Variants in AGBL1 observed in about 807,000 individuals in gnomAD.
The protein encoded by AGBL1 is cytosolic carboxypeptidase 4.
In AGBL1, 130 loss-of-function variants were observed where a neutral mutation model predicts 118.9. That is an observed-to-expected ratio of 1.09 (90% confidence interval 0.95 to 1.26). AGBL1 has a LOEUF of 1.26. Ranked by LOEUF, AGBL1 falls within the 50% of genes most tolerant of loss-of-function variation. AGBL1 has a pLI of 0.00. For missense variants in AGBL1, 1,584 were observed against 1,298.1 expected, an observed-to-expected ratio of 1.22 and a Z score of -3.38; for synonymous variants, 555 against 478.9, an observed-to-expected ratio of 1.16 and a Z score of -2.08.
At chr15:86,461,364 C>A (rs1378496596) in intron 18 of AGBL1, among the ~76,000 whole-genome samples, 1 of 152,178 alleles carries the variant, frequency 6.6e-6, no homozygotes, top group Non-Finnish European at 1.5e-5. Flanking sequence ...CACCCAAACT[C>A]TCTTTTCAAG....
intron 19 of AGBL1, among the ~76,000 whole-genome samples, chr15:86,542,866 ATACTATATT>A (rs2083524215): frequency 6.6e-6 from 1 of 152,114 alleles, no homozygotes; most frequent in Admixed American, 6.5e-5. Context: ...TTGTATTTGC[ATACTATATT>A]TTACATCCTT....
intron 22 of AGBL1, among the ~76,000 whole-genome samples, chr15:86,897,672 T>A (rs2080147800): frequency 6.6e-6 from 1 of 151,960 alleles, no homozygotes; most frequent in Non-Finnish European, 1.5e-5. Flanking sequence ...CCACCCTAAT[T>A]CTTGTTGCTT....
intron 18 of AGBL1, among the ~76,000 whole-genome samples, chr15:86,474,437 C>A (rs144784205): frequency 8.5e-4 from 129 of 152,364 alleles, no homozygotes; most frequent in Non-Finnish European, 9.4e-4. Flanking sequence ...TATCCCGTGC[C>A]TGGCTCAGAG....
chr15:86,784,493 T>C (rs991677051), intron 22 of AGBL1, among the ~76,000 whole-genome samples: 26 of 152,360 alleles, frequency 1.7e-4, no homozygotes, highest in African/African-American at 6.3e-4. Context: ...ACCCAGGTTC[T>C]ATCCTTAGAG....
In AGBL1 at chr15:86,219,645, C is replaced by T. The variant is rs183953928; in HGVS notation, c.489-5269C>T. ...AGTTCTTTGTCTTTGTCTCCATGAC[C>T]ACCATTGAACATCTAAACCCGCTTA... On this transcript the variant is annotated intron_variant, in intron 5 of 22. Coordinates refer to ENST00000614907, the MANE Select transcript of AGBL1 (RefSeq NM_001386094.1). 6.6e-5 allele frequency among the ~76,000 whole-genome samples: 10 copies of T among 152,144 alleles called. No homozygotes were observed. In the East Asian group the frequency reaches 1.7e-3, roughly 27 times the overall value.
intron 17 of AGBL1, among the ~76,000 whole-genome samples, chr15:86,380,189 A>T (rs936757156): frequency 7.9e-5 from 12 of 151,872 alleles, no homozygotes; most frequent in African/African-American, 2.7e-4. Flanking sequence ...ACAGACAGAT[A>T]TTCTGGACCC....
chr15:86,680,649 C>G (rs1359869621), intron 22 of AGBL1, among the ~76,000 whole-genome samples: 1 of 146,808 alleles, frequency 6.8e-6, no homozygotes, highest in African/African-American at 2.5e-5. Flanking sequence ...TCACTACAAC[C>G]TCTGCCTCCT....
intron 21 of AGBL1, among the ~76,000 whole-genome samples, chr15:86,668,747 GGGACCATCACACAAAGCCA>G (rs1403973708): frequency 6.6e-6 from 1 of 152,132 alleles, no homozygotes; most frequent in Non-Finnish European, 1.5e-5. Flanking sequence ...GGATTGATTT[GGGACCATCACACAAAGCCA>G]GGACCTCCAG....
intron 22 of AGBL1, among the ~76,000 whole-genome samples, chr15:86,886,261 A>G (rs1192519781): frequency 2.0e-5 from 3 of 152,262 alleles, no homozygotes; most frequent in Non-Finnish European, 4.4e-5. Flanking sequence ...CAAGTGTACT[A>G]AAATCATCTA....
intron 22 of AGBL1, among the ~76,000 whole-genome samples, chr15:86,817,760 G>A (rs1171852471): frequency 6.6e-6 from 1 of 152,064 alleles, no homozygotes; most frequent in Non-Finnish European, 1.5e-5. Context: ...CACTCTCAAT[G>A]AATGTGTGTT....
At chr15:86,269,124 A>G (rs537953222) in intron 13 of AGBL1, among the ~76,000 whole-genome samples, 2 of 152,328 alleles carry the variant, frequency 1.3e-5, no homozygotes, top group South Asian at 2.1e-4. Context: ...TCTGGGTAGT[A>G]GTCACACAAG....
chr15:86,922,322 G>A (rs6496373), intron 23 of AGBL1, among the ~76,000 whole-genome samples: 5,705 of 152,228 alleles, frequency 0.037, 348 homozygotes, highest in African/African-American at 0.13. Context: ...ATGAAGTCTC[G>A]CTCTGTCACC....
At chr15:86,880,166 C>A (rs185718245) in intron 22 of AGBL1, among the ~76,000 whole-genome samples, 1 of 152,302 alleles carries the variant, frequency 6.6e-6, no homozygotes, top group East Asian at 1.9e-4. Context: ...AATCTCCGAG[C>A]TTGCTGAATC....
At chr15:86,477,369 A>C (rs1332140715) in intron 18 of AGBL1, among the ~76,000 whole-genome samples, 3 of 152,230 alleles carry the variant, frequency 2.0e-5, no homozygotes, top group Non-Finnish European at 4.4e-5. Context: ...AGAAGAATCA[A>C]ATAGACGCAA....
intron 3 of AGBL1, among the ~76,000 whole-genome samples, chr15:86,144,429 T>C (rs2077005813): frequency 6.6e-6 from 1 of 152,204 alleles, no homozygotes; most frequent in African/African-American, 2.4e-5. Context: ...AACGCCCATC[T>C]AGACTGGATA....
chr15:86,731,206 C>G (rs1472637908), intron 22 of AGBL1, among the ~76,000 whole-genome samples: 1 of 152,068 alleles, frequency 6.6e-6, no homozygotes, highest in African/African-American at 2.4e-5. Context: ...ATGTTCATAG[C>G]CTTTCTGGAA....
chr15:86,418,253 T>G lies in AGBL1; in HGVS notation c.2555+20707T>G, dbSNP rs562380815. ...CATATCACCAAAGGCACAGGTCCAT[T>G]TAGTTATGATCATTCAACCACTTTC... On this transcript the variant is annotated intron_variant, in intron 18 of 22. Transcript: ENST00000614907. Among the ~76,000 whole-genome samples, 5 of 152,320 alleles carry G rather than the reference T, an allele frequency of 3.3e-5. No individual in the cohort carries two copies. The East Asian group carries it at 9.6e-4, about 29-fold the overall frequency.
At chr15:86,882,033 G>A (rs545467438) in intron 22 of AGBL1, among the ~76,000 whole-genome samples, 49 of 152,020 alleles carry the variant, frequency 3.2e-4, no homozygotes, top group Non-Finnish European at 6.2e-4. Flanking sequence ...AAACCATATC[G>A]GTTACCTTTC....
At chr15:86,650,770 G>T (rs894779030) in intron 21 of AGBL1, among the ~76,000 whole-genome samples, 16 of 152,182 alleles carry the variant, frequency 1.1e-4, no homozygotes, top group African/African-American at 3.9e-4. Flanking sequence ...ACTGTCTAGA[G>T]GCTTCTTTCC....
Sources: allele counts gnomAD v4.1 joint callset (sites outside exome capture counted in the v4.1 genomes callset), GRCh38; gene constraint gnomAD v4.1.1; transcripts MANE v1.5; gene names NCBI Gene and HGNC (gene_info 2026-07-23, HGNC 2026-07-21).